SYT2: variants seen among roughly 807,000 people sequenced by gnomAD.
The protein encoded by SYT2 is synaptotagmin 2, also known as synaptotagmin-2.
SYT2 carries 15 observed loss-of-function variants against 39.9 expected under a neutral mutation model. The ratio of observed to expected loss-of-function variants is 0.38; its 90% CI spans 0.25 to 0.58. The LOEUF is 0.58. Ranked by LOEUF, SYT2 falls within the 20% of genes least tolerant of loss-of-function variation. The pLI, the probability that SYT2 is intolerant of heterozygous loss-of-function variation, is 0.70. For missense variants in SYT2, 389 were observed against 530.3 expected (o/e 0.73, Z 2.62); for synonymous variants, 181 against 204.5 (o/e 0.89, Z 0.98).
chr1:202,627,735 A>G, intron 1 of SYT2: 1 of 574,712 alleles, frequency 1.7e-6, no homozygotes, highest in South Asian at 7.6e-5. Context: ...TTAAAAATCC[A>G]CTCTTTCATC....
chr1:202,604,415 T>C, intron 3 of SYT2, 40 bp downstream of exon 3: 1 of 1,602,246 alleles, frequency 6.2e-7, no homozygotes, highest in South Asian at 1.1e-5. Flanking sequence ...AAGCCTGGGC[T>C]GAGCCCCTTC....
intron 1 of SYT2, among the ~76,000 whole-genome samples, chr1:202,641,616 G>C (rs911560544): frequency 2.6e-5 from 4 of 152,234 alleles, no homozygotes; most frequent in Admixed American, 1.3e-4. Context: ...AGTTAGATTA[G>C]ACTTTCCTAT....
chr1:202,691,740 A>G (rs1264001453), intron 1 of SYT2, among the ~76,000 whole-genome samples: 16 of 66,402 alleles, frequency 2.4e-4, no homozygotes, highest in African/African-American at 9.5e-4. Flanking sequence ...GGGGAGAGAG[A>G]GAGAGAGAGA....
In SYT2 at chr1:202,663,005, T is replaced by C. The variant is rs953369944; in HGVS notation, c.-18+47253A>G. 3.6e-4 allele frequency among the ~76,000 whole-genome samples: 55 copies of C among 152,188 alleles called. 1 individual carries two copies. The highest frequency in any genetic ancestry group is 3.3e-4 in the Admixed American group (5 of 15,272). ...GGCTGCAGTACTAACTCCTTGGATA[T>C]GCTTAGCAATGTGAACTGTCATCAG... On this transcript the variant is annotated intron_variant, in intron 1 of 8. Coordinates refer to ENST00000367268, the MANE Select transcript of SYT2 (RefSeq NM_177402.5).
chr1:202,667,909 C>T (rs1053685361), intron 1 of SYT2, among the ~76,000 whole-genome samples: 16 of 152,152 alleles, frequency 1.1e-4, no homozygotes, highest in South Asian at 2.1e-4. Context: ...GACAAGGTTT[C>T]GCCATGTTGC....
rs771879505 is a variant in SYT2 at position 202,599,388 on chromosome 1, C to CT, written c.920-38dup. 2 of 1,558,688 alleles carry CT rather than the reference C, an allele frequency of 1.3e-6. No individual in the cohort carries two copies. The highest frequency in any genetic ancestry group is 4.3e-5 in the Admixed American group (2 of 46,752). ...GAATCCCAACCCCAGAGAGGTTCCC[C>CT]TTAGCCCCCAGCCTTCCTGCCGAAT... is the stretch of plus-strand genomic sequence containing the variant. On this transcript the variant is annotated intron_variant, in intron 7 of 8. Coordinates refer to ENST00000367268, the MANE Select transcript of SYT2 (RefSeq NM_177402.5). This position sits in a 1 kb window ranked among gnomAD's most constrained non-coding sequence, Gnocchi z 4.4.
chr1:202,597,005 G>A, intron 8 of SYT2, 42 bp from the exon 9 acceptor site: 1 of 1,573,202 alleles, frequency 6.4e-7, no homozygotes, highest in Non-Finnish European at 8.7e-7. Context: ...ACAGAGACGT[G>A]GGATCCCATG....
intron 1 of SYT2, among the ~76,000 whole-genome samples, chr1:202,672,887 G>A (rs10800852): frequency 0.52 from 76,371 of 147,444 alleles, 22,612 homozygotes; most frequent in East Asian, 0.77. Flanking sequence ...CAAATCCCAA[G>A]CAGCAAAAAA....
chr1:202,693,321 A>T (rs1384659689), intron 1 of SYT2, among the ~76,000 whole-genome samples: 1 of 152,210 alleles, frequency 6.6e-6, no homozygotes. Flanking sequence ...AGAGATAAAT[A>T]GGCAGACCAT....
rs1007451592 is a variant in SYT2 at position 202,632,088 on chromosome 1, C to T, written c.-17-26299G>A. 4 of 985,260 alleles carry T rather than the reference C, an allele frequency of 4.1e-6. No individual in the cohort carries two copies. In the African/African-American group the frequency reaches 7.0e-5, roughly 17 times the overall value. The allele number at this position is 985,260 out of a possible 1,614,324, so 61.0% of individuals were successfully genotyped here. On this transcript the variant is annotated intron_variant, in intron 1 of 8. Transcript: ENST00000367268. Reference sequence around the variant, plus strand: ...CTGAGGTGGGGTAAGAGGGGAGAAACAAGACAGAAGGTGGCACCAGAGAAG... The same window carrying T: ...CTGAGGTGGGGTAAGAGGGGAGAAATAAGACAGAAGGTGGCACCAGAGAAG...
chr1:202,618,176 A>G (rs755560953), intron 1 of SYT2, among the ~76,000 whole-genome samples: 1 of 152,124 alleles, frequency 6.6e-6, no homozygotes, highest in Non-Finnish European at 1.5e-5. Context: ...GGGTCTGTAA[A>G]TGATCAAGCA....
intron 1 of SYT2, among the ~76,000 whole-genome samples, chr1:202,661,930 C>T (rs988872835): frequency 1.3e-5 from 2 of 152,192 alleles, no homozygotes; most frequent in African/African-American, 4.8e-5. Context: ...CCACCAGGTA[C>T]CAGGGCTGTG....
At chr1:202,635,741 C>T (rs1182720904) in intron 1 of SYT2, among the ~76,000 whole-genome samples, 2 of 152,166 alleles carry the variant, frequency 1.3e-5, no homozygotes, top group East Asian at 1.9e-4. Flanking sequence ...CTTGGGTATA[C>T]ACAGCCTGGT....
At chr1:202,668,290 TTCAAG>T (rs1454498979) in intron 1 of SYT2, among the ~76,000 whole-genome samples, 1 of 152,218 alleles carries the variant, frequency 6.6e-6, no homozygotes. Context: ...ACATGTCTGC[TTCAAG>T]TCTTTTTTTC....
rs186384134 is a variant in SYT2, at chr1:202,680,501, G to A, written c.-18+29757C>T. On this transcript the variant is annotated intron_variant, in intron 1 of 8. Coordinates refer to ENST00000367268, the MANE Select transcript of SYT2 (RefSeq NM_177402.5). ...GGCTGAAGTGAGCTATGATCATGCC[G>A]CTGCCCTCCAGCCTGGGAAACAAAG... Among the ~76,000 whole-genome samples the A allele has an allele frequency of 6.8e-4, 103 of 152,166 alleles. 1 individual carries two copies. Among genetic ancestry groups the A allele is most frequent in the African/African-American group, 2.2e-3 (92 of 41,504 alleles).
Position 202,614,109 on chromosome 1 carries a change from C to T in SYT2, c.-17-8320G>A, listed in dbSNP as rs1251748107. On this transcript the variant is annotated intron_variant, in intron 1 of 8. Transcript: ENST00000367268. This position sits in a 1 kb window ranked among gnomAD's most constrained non-coding sequence, Gnocchi z 4.0. ...TCATGGTGGATGCAGGCCTTCTCTC[C>T]AGACTGACCGTCCAGAAATGGTCCT... Among the ~76,000 whole-genome samples, 1 of 152,178 alleles carries T rather than the reference C, an allele frequency of 6.6e-6. No homozygotes were observed. Among genetic ancestry groups the T allele is most frequent in the Non-Finnish European group, 1.5e-5 (1 of 68,034 alleles).
chr1:202,655,941 G>A (rs1208422433), intron 1 of SYT2, among the ~76,000 whole-genome samples: 2 of 152,162 alleles, frequency 1.3e-5, no homozygotes, highest in African/African-American at 4.8e-5. Flanking sequence ...AAAAAGTGCT[G>A]GGCCAGATAG....
At chr1:202,637,540 C>T (rs545701105) in intron 1 of SYT2, among the ~76,000 whole-genome samples, 6 of 152,338 alleles carry the variant, frequency 3.9e-5, no homozygotes, top group East Asian at 3.9e-4. Context: ...TCTGAGCAGC[C>T]GGCTGCCCTC....
intron 1 of SYT2, among the ~76,000 whole-genome samples, chr1:202,620,160 T>C (rs2149082483): frequency 6.6e-6 from 1 of 152,350 alleles, no homozygotes; most frequent in East Asian, 1.9e-4. Context: ...AGGAATTCCC[T>C]TCTCTCCCTG....
Sources: allele counts gnomAD v4.1 joint callset (sites outside exome capture counted in the v4.1 genomes callset), GRCh38; gene constraint gnomAD v4.1.1; non-coding constraint Gnocchi (gnomAD v3.1); transcripts MANE v1.5; gene names NCBI Gene and HGNC (gene_info 2026-07-23, HGNC 2026-07-21).